The following RFX7 variants were observed in gnomAD, a reference collection of about 807,000 sequenced individuals.
RFX7 encodes the protein DNA-binding protein RFX7.
RFX7 carries 26 observed loss-of-function variants against 111.8 expected under a neutral mutation model. The ratio of observed to expected loss-of-function variants is 0.23; its 90% confidence interval spans 0.17 to 0.32. The LOEUF is 0.32. RFX7 is among the 10% of genes least tolerant of loss of function. RFX7 has a pLI of 1.00. For missense variants in RFX7, 1,573 were observed against 1,772.9 expected (o/e 0.89, Z 2.02); for synonymous variants, 624 against 624.4 (o/e 1.00, Z 0.01).
intron 2 of RFX7, among the ~76,000 whole-genome samples, chr15:56,232,133 G>C (rs1284975843): frequency 6.6e-6 from 1 of 152,184 alleles, no homozygotes; most frequent in Non-Finnish European, 1.5e-5. Flanking sequence ...TACCATTCTG[G>C]GGTCTGGAGG....
chr15:56,138,317 TA>T (rs1462204326), intron 5 of RFX7, among the ~76,000 whole-genome samples: 3 of 150,212 alleles, frequency 2.0e-5, no homozygotes, highest in African/African-American at 7.4e-5. Flanking sequence ...GGTGCATATA[TA>T]TTTAGGATAG....
At chr15:56,119,444 T>C (rs1252120143) in intron 5 of RFX7, among the ~76,000 whole-genome samples, 1 of 152,172 alleles carries the variant, frequency 6.6e-6, no homozygotes, top group East Asian at 1.9e-4. Flanking sequence ...GAAGAAACCA[T>C]GTATTTCCCC....
intron 5 of RFX7, among the ~76,000 whole-genome samples, chr15:56,115,720 T>C (rs2042001141): frequency 6.6e-6 from 1 of 152,054 alleles, no homozygotes; most frequent in Admixed American, 6.6e-5. Context: ...GGGCAGATCA[T>C]GAGATCAGGA....
At chr15:56,168,088 A>T (rs2042804108) in intron 3 of RFX7, among the ~76,000 whole-genome samples, 2 of 152,198 alleles carry the variant, frequency 1.3e-5, no homozygotes, top group South Asian at 4.1e-4. Flanking sequence ...AGATTATCTG[A>T]ATTAAATGTC....
At chr15:56,212,589 T>C (rs910324253) in intron 2 of RFX7, among the ~76,000 whole-genome samples, 1 of 152,182 alleles carries the variant, frequency 6.6e-6, no homozygotes, top group Non-Finnish European at 1.5e-5. Flanking sequence ...GGGGAGGCTA[T>C]GCATGTTGAG....
intron 5 of RFX7, among the ~76,000 whole-genome samples, chr15:56,133,010 A>G (rs952228635): frequency 2.0e-5 from 3 of 152,150 alleles, no homozygotes; most frequent in African/African-American, 4.8e-5. Context: ...TAGAAAAACT[A>G]TAAGGAAATA....
intron 5 of RFX7, among the ~76,000 whole-genome samples, chr15:56,141,278 G>A (rs919003079): frequency 6.6e-6 from 1 of 151,712 alleles, no homozygotes; most frequent in Non-Finnish European, 1.5e-5. Context: ...AGCCCTGGGG[G>A]TGGGGGTGGG....
At chr15:56,237,713 C>T (rs772932833) in intron 2 of RFX7, among the ~76,000 whole-genome samples, 1 of 152,130 alleles carries the variant, frequency 6.6e-6, no homozygotes. Flanking sequence ...TGTACATATC[C>T]ACTACCCAAC....
chr15:56,125,494 C>G (rs1249961528), intron 5 of RFX7, among the ~76,000 whole-genome samples: 1 of 151,738 alleles, frequency 6.6e-6, no homozygotes, highest in Admixed American at 6.6e-5. Flanking sequence ...CATGGGATGT[C>G]TTTTCATTTA....
intron 5 of RFX7, among the ~76,000 whole-genome samples, chr15:56,122,849 G>A (rs1392825036): frequency 6.6e-6 from 1 of 152,068 alleles, no homozygotes; most frequent in East Asian, 1.9e-4. Context: ...TACTGCCAAT[G>A]TTCACTTAAG....
At chr15:56,144,784 G>T (rs563341863) in intron 3 of RFX7, among the ~76,000 whole-genome samples, 2 of 152,220 alleles carry the variant, frequency 1.3e-5, no homozygotes, top group African/African-American at 4.8e-5. Context: ...AAGAAGGAGG[G>T]TTTTACTTGT....
chr15:56,149,068 G>C (rs1382273418), intron 3 of RFX7, among the ~76,000 whole-genome samples: 1 of 147,162 alleles, frequency 6.8e-6, no homozygotes, highest in Non-Finnish European at 1.5e-5. Context: ...CAGCGACAGA[G>C]CGAGACTCCG....
At chr15:56,177,710 G>T (rs945467752) in intron 3 of RFX7, among the ~76,000 whole-genome samples, 36 of 152,262 alleles carry the variant, frequency 2.4e-4, no homozygotes, top group African/African-American at 8.7e-4. Context: ...CAAAGAGAGT[G>T]GGTGGCCATA....
intron 2 of RFX7, among the ~76,000 whole-genome samples, chr15:56,198,070 G>T (rs2725871): frequency 0.13 from 20,106 of 152,154 alleles, 1,394 homozygotes; most frequent in Middle Eastern, 0.22. Flanking sequence ...AACCTTTCTC[G>T]TAGGGACGGT....
rs571188657 is a variant in RFX7, at chr15:56,220,520, C to A, written c.161+22605G>T. Among the ~76,000 whole-genome samples, 6 of 151,388 alleles carry A rather than the reference C, an allele frequency of 4.0e-5. No individual in the cohort carries two copies. In the East Asian group the frequency reaches 1.2e-3, roughly 30 times the overall value. ...GTGTTGGGATTACAGCGGGAGCCAC[C>A]GCACCTAGCCAAATGTTTTTTTTTT... On this transcript the variant is annotated intron_variant, in intron 2 of 9. Transcript: ENST00000559447.
At chr15:56,208,115 C>G (rs147788637) in intron 2 of RFX7, among the ~76,000 whole-genome samples, 115 of 152,288 alleles carry the variant, frequency 7.6e-4, no homozygotes, top group Non-Finnish European at 2.1e-4. Context: ...AAAACCTCCT[C>G]TGAATATTGG....
chr15:56,123,296 A>G (rs1354490611), intron 5 of RFX7, among the ~76,000 whole-genome samples: 1 of 152,150 alleles, frequency 6.6e-6, no homozygotes, highest in African/African-American at 2.4e-5. Flanking sequence ...TCCTGCCAGG[A>G]CTGGGTCCTT....
At chr15:56,162,540 A>G (rs779586526) in intron 3 of RFX7, among the ~76,000 whole-genome samples, 5 of 152,054 alleles carry the variant, frequency 3.3e-5, no homozygotes, top group African/African-American at 7.2e-5. Flanking sequence ...CTAGCTGACA[A>G]TGGTTAGAGC....
At chr15:56,207,719 G>C (rs555541496) in intron 2 of RFX7, among the ~76,000 whole-genome samples, 1 of 152,230 alleles carries the variant, frequency 6.6e-6, no homozygotes, top group South Asian at 2.1e-4. Context: ...AAAAGAGCTA[G>C]GACTTCTGGT....
Sources: allele counts gnomAD v4.1 joint callset (sites outside exome capture counted in the v4.1 genomes callset), GRCh38; gene constraint gnomAD v4.1.1; transcripts MANE v1.5; gene names NCBI Gene and HGNC (gene_info 2026-07-23, HGNC 2026-07-21).